Variants in SUCLG2 observed in about 807,000 individuals in gnomAD.
SUCLG2 encodes succinate--CoA ligase [GDP-forming] subunit beta, mitochondrial.
SUCLG2 carries 42 observed loss-of-function variants against 47.9 expected under a neutral mutation model. The ratio of observed to expected loss-of-function variants is 0.88; its 90% CI spans 0.69 to 1.14. The LOEUF (loss-of-function observed/expected upper bound fraction) is 1.14, where lower values mean the gene tolerates loss of function less well. Among genes scored for constraint, SUCLG2 ranks in the 50% most tolerant of loss-of-function variants. The probability of loss-of-function intolerance (pLI) is 0.00; values close to 1 mark genes in which losing one functional copy is unlikely to be tolerated. For synonymous variants in SUCLG2, 195 were observed against 197.3 expected (o/e 0.99, Z 0.10); for missense variants, 571 against 525.9 (o/e 1.09, Z -0.84).
intron 4 of SUCLG2, 136 bp from the exon 5 acceptor site, chr3:67,520,770 T>G: frequency 1.0e-6 from 1 of 972,264 alleles, no homozygotes; most frequent in South Asian, 1.7e-5. Flanking sequence ...TTTGCAGAGC[T>G]TTGAGAGTTC....
intron 10 of SUCLG2, among the ~76,000 whole-genome samples, chr3:67,396,168 A>C (rs1008210305): frequency 1.3e-5 from 2 of 152,140 alleles, no homozygotes; most frequent in African/African-American, 4.8e-5. Flanking sequence ...AAATAACTAA[A>C]ATCAGAGCAG....
chr3:67,563,769 T>C lies in SUCLG2; in HGVS notation c.227-34583A>G, dbSNP rs538617476. ...GGTCAGGAGATCGAGACCATCCTGG[T>C]TAACACGGTGAAACCCCGTCTTTAC... On this transcript the variant is annotated intron_variant, in intron 2 of 10. Transcript: ENST00000307227. Among the ~76,000 whole-genome samples the C allele has an allele frequency of 2.2e-4, 33 of 152,026 alleles. No homozygotes were observed. In the East Asian group the frequency reaches 5.6e-3, roughly 26 times the overall value.
Position 67,503,138 on chromosome 3 carries a change from G to A in SUCLG2, c.758-4843C>T, listed in dbSNP as rs188459307. Among the ~76,000 whole-genome samples, 1,134 of 152,224 alleles carry A rather than the reference G, an allele frequency of 7.4e-3. 10 individuals carry two copies. The highest frequency in any genetic ancestry group is 0.01 in the Non-Finnish European group (698 of 68,012). On this transcript the variant is annotated intron_variant, in intron 7 of 10. Coordinates refer to ENST00000307227, the MANE Select transcript of SUCLG2 (RefSeq NM_003848.4). Reference sequence around the variant, plus strand: ...TGAGTAGTTGCAATACAGACTGTATGGCCCGCAAACCCCCAAATATTTACT... The same window carrying A: ...TGAGTAGTTGCAATACAGACTGTATAGCCCGCAAACCCCCAAATATTTACT...
chr3:67,425,242 G>A (rs1703268030), intron 9 of SUCLG2, among the ~76,000 whole-genome samples: 2 of 152,136 alleles, frequency 1.3e-5, no homozygotes, highest in South Asian at 4.2e-4. Flanking sequence ...TACAGAATAA[G>A]ATCTGGGTAT....
At chr3:67,647,052 C>T (rs1701204482) in intron 1 of SUCLG2, among the ~76,000 whole-genome samples, 1 of 152,102 alleles carries the variant, frequency 6.6e-6, no homozygotes, top group South Asian at 2.1e-4. Flanking sequence ...CAAGGCAGCC[C>T]TCCTGAACCT....
chr3:67,585,829 A>G (rs375702042), intron 2 of SUCLG2, among the ~76,000 whole-genome samples: 34 of 151,936 alleles, frequency 2.2e-4, no homozygotes, highest in African/African-American at 8.0e-4. Context: ...CCGGGCATCC[A>G]TGTGGTGGGT....
intron 2 of SUCLG2, among the ~76,000 whole-genome samples, chr3:67,598,792 T>C (rs1245023160): frequency 6.6e-6 from 1 of 152,144 alleles, no homozygotes; most frequent in Non-Finnish European, 1.5e-5. Context: ...CCTAGATCAT[T>C]CCTCCCACCA....
intron 2 of SUCLG2, among the ~76,000 whole-genome samples, chr3:67,568,168 G>A (rs960042405): frequency 1.3e-5 from 2 of 152,142 alleles, no homozygotes; most frequent in African/African-American, 2.4e-5. Flanking sequence ...GGGCTTAAAT[G>A]TACTGAAGAA....
intron 9 of SUCLG2, among the ~76,000 whole-genome samples, chr3:67,450,513 G>A (rs1000338864): frequency 6.6e-6 from 1 of 152,138 alleles, no homozygotes; most frequent in East Asian, 1.9e-4. Context: ...ATACTGTATT[G>A]TGAAAATTTT....
chr3:67,397,016 C>A (rs573037194), intron 10 of SUCLG2, among the ~76,000 whole-genome samples: 2 of 151,024 alleles, frequency 1.3e-5, no homozygotes, highest in Non-Finnish European at 3.0e-5. Flanking sequence ...ATTGATGGGA[C>A]GTATCTCAAA....
intron 10 of SUCLG2, among the ~76,000 whole-genome samples, chr3:67,388,099 G>A (rs1702299153): frequency 6.6e-6 from 1 of 152,164 alleles, no homozygotes. Flanking sequence ...AGACTGGTTT[G>A]CTGAATCTTC....
At chr3:67,430,425 A>G (rs924160735) in intron 9 of SUCLG2, among the ~76,000 whole-genome samples, 1 of 152,206 alleles carries the variant, frequency 6.6e-6, no homozygotes, top group African/African-American at 2.4e-5. Flanking sequence ...ACAACATACC[A>G]GAATCTCTGA....
intron 2 of SUCLG2, among the ~76,000 whole-genome samples, chr3:67,570,868 T>C (rs1247574282): frequency 6.6e-6 from 1 of 152,196 alleles, no homozygotes; most frequent in Non-Finnish European, 1.5e-5. Context: ...ATAGTAATCA[T>C]GAGCACTCAG....
Position 67,499,855 on chromosome 3 carries a change from C to T in SUCLG2, c.758-1560G>A, listed in dbSNP as rs536830691. Among the ~76,000 whole-genome samples, 6 of 152,160 alleles carry T rather than the reference C, an allele frequency of 3.9e-5. 1 individual carries two copies. Among genetic ancestry groups the T allele is most frequent in the African/African-American group, 1.4e-4 (6 of 41,504 alleles). On this transcript the variant is annotated intron_variant, in intron 7 of 10. Coordinates refer to ENST00000307227, the MANE Select transcript of SUCLG2 (RefSeq NM_003848.4). ...CAAGCGATTCTCCTGCCTCAGTCTC[C>T]CAAGCAGCTGGGACTACAGGCATGT...
chr3:67,522,835 T>C (rs948018864), intron 4 of SUCLG2, among the ~76,000 whole-genome samples: 2 of 150,862 alleles, frequency 1.3e-5, no homozygotes, highest in African/African-American at 5.0e-5. Context: ...GGCTAATTTT[T>C]TTGTATTTTT....
At chr3:67,515,168 A>G (rs1449412329) in intron 6 of SUCLG2, among the ~76,000 whole-genome samples, 2 of 152,164 alleles carry the variant, frequency 1.3e-5, no homozygotes, top group East Asian at 3.8e-4. Context: ...ATTACAGTAT[A>G]TTGCTATTGT....
downstream of SUCLG2, among the ~76,000 whole-genome samples, chr3:67,373,463 C>T (rs776921019): frequency 9.2e-5 from 14 of 152,090 alleles, no homozygotes; most frequent in Non-Finnish European, 1.9e-4. Flanking sequence ...ACACTGATTA[C>T]AACTCAAGAT....
chr3:67,571,597 CAG>C (rs150698362), intron 2 of SUCLG2, among the ~76,000 whole-genome samples: 3,366 of 152,254 alleles, frequency 0.022, 115 homozygotes, highest in African/African-American at 0.076. Context: ...GAATTATTTA[CAG>C]AAGAAATAAG....
At chr3:67,542,127 G>T (rs111819554) in intron 2 of SUCLG2, among the ~76,000 whole-genome samples, 12 of 152,176 alleles carry the variant, frequency 7.9e-5, no homozygotes, top group African/African-American at 2.9e-4. Context: ...ACCCACCTCA[G>T]CCTCCCAAAG....
Sources: gnomAD v4.1 joint callset for allele counts (sites outside exome capture counted in the v4.1 genomes callset) on GRCh38, gnomAD v4.1.1 for gene constraint, MANE v1.5 for transcripts, NCBI Gene and HGNC (gene_info 2026-07-23, HGNC 2026-07-21) for gene names.